NPSR1: variants seen among roughly 807,000 people sequenced by gnomAD.
The protein encoded by NPSR1 is neuropeptide S receptor 1, also known as neuropeptide S receptor.
A neutral mutation model predicts 46.9 loss-of-function variants in NPSR1; 48 were observed. The observed-to-expected ratio is 1.02, with a 90% confidence interval of 0.81 to 1.30. The LOEUF is 1.30. Among genes scored for constraint, NPSR1 ranks in the 50% most tolerant of loss-of-function variants. The pLI is 0.00. For missense variants in NPSR1, 450 were observed against 449.5 expected, an observed-to-expected ratio of 1.00 and a Z score of -0.01; for synonymous variants, 176 against 168.1, an observed-to-expected ratio of 1.05 and a Z score of -0.36.
Position 34,711,194 on chromosome 7 carries a change from T to C in NPSR1, c.280+26510T>C, listed in dbSNP as rs1039754017. On this transcript the variant is annotated intron_variant, in intron 2 of 8. Coordinates refer to ENST00000360581, the MANE Select transcript of NPSR1 (RefSeq NM_207172.2). The stretch of plus-strand genomic sequence containing the variant: ...TGCACGAGGGTACCCAAACCTGAAG[T>C]CATTAAATGAACTAATCTACAAGCA... The C allele has an allele frequency of 2.2e-5, 4 of 181,098 alleles. No individual in the cohort carries two copies. The East Asian group carries it at 6.8e-4, about 31-fold the overall frequency. The allele number at this position is 181,098 out of a possible 1,614,324, so 11.2% of individuals were successfully genotyped here.
chr7:34,736,453 T>C (rs766500013), intron 2 of NPSR1, among the ~76,000 whole-genome samples: 2 of 152,150 alleles, frequency 1.3e-5, no homozygotes, highest in African/African-American at 2.4e-5. Flanking sequence ...CCTCTTTTCA[T>C]GATATTACTG....
At chr7:34,670,503 C>A (rs1349879240) in intron 1 of NPSR1, among the ~76,000 whole-genome samples, 1 of 151,398 alleles carries the variant, frequency 6.6e-6, no homozygotes, top group Non-Finnish European at 1.5e-5. Flanking sequence ...AATTTCAGGA[C>A]TAGCAAGCAT....
chr7:34,867,795 C>T (rs13307597), intron 8 of NPSR1, among the ~76,000 whole-genome samples: 1 of 151,808 alleles, frequency 6.6e-6, no homozygotes, highest in East Asian at 1.9e-4. Context: ...GCACTCCCAG[C>T]CTTTCAGGAT....
intron 3 of NPSR1, among the ~76,000 whole-genome samples, chr7:34,794,512 T>A (rs1030948133): frequency 6.6e-6 from 1 of 152,154 alleles, no homozygotes; most frequent in Non-Finnish European, 1.5e-5. Flanking sequence ...GCAATCTAAA[T>A]ACTGTTAATT....
intron 6 of NPSR1, among the ~76,000 whole-genome samples, chr7:34,841,139 T>C (rs1490681988): frequency 6.6e-6 from 1 of 152,256 alleles, no homozygotes; most frequent in African/African-American, 2.4e-5. Context: ...AGCATATTTA[T>C]TTTAAAATAT....
intron 6 of NPSR1, among the ~76,000 whole-genome samples, chr7:34,836,819 AGATCTGAATATCCTACAAT>A (rs1790393989): frequency 6.6e-6 from 1 of 152,184 alleles, no homozygotes; most frequent in African/African-American, 2.4e-5. Flanking sequence ...AAAACTGAAA[AGATCTGAATATCCTACAAT>A]GAGGGAACTG....
intron 3 of NPSR1, among the ~76,000 whole-genome samples, chr7:34,807,767 T>G (rs577649976): frequency 1.3e-5 from 2 of 152,298 alleles, no homozygotes; most frequent in East Asian, 3.9e-4. Flanking sequence ...TTGGTGTAAT[T>G]TCAGTTCCTT....
intron 2 of NPSR1, among the ~76,000 whole-genome samples, chr7:34,763,115 C>T (rs10486657): frequency 0.14 from 21,834 of 152,064 alleles, 2,060 homozygotes; most frequent in East Asian, 0.33. Context: ...TTGCCAGGCA[C>T]TATGAAAAAA....
chr7:34,719,559 A>T (rs2128706725), intron 2 of NPSR1: 1 of 152,358 alleles, frequency 6.6e-6, no homozygotes, highest in Admixed American at 6.5e-5. Flanking sequence ...CTGCTAAGAC[A>T]TTTCAGAAAC....
intron 2 of NPSR1, among the ~76,000 whole-genome samples, chr7:34,744,010 G>C (rs1785084298): frequency 6.6e-6 from 1 of 152,258 alleles, no homozygotes; most frequent in South Asian, 2.1e-4. Context: ...TTTGTTTGCT[G>C]TGTAGTTAAA....
At chr7:34,856,055 G>A (rs1469490009) in intron 8 of NPSR1, among the ~76,000 whole-genome samples, 1 of 152,066 alleles carries the variant, frequency 6.6e-6, no homozygotes, top group South Asian at 2.1e-4. Flanking sequence ...TATACTTAAT[G>A]GTGAAGCTTT....
At chr7:34,738,045 T>G (rs2128717416) in intron 2 of NPSR1, among the ~76,000 whole-genome samples, 1 of 152,274 alleles carries the variant, frequency 6.6e-6, no homozygotes, top group East Asian at 1.9e-4. Context: ...TTAACAAGTG[T>G]TTTTGAACGA....
At chr7:34,822,709 T>A (rs1330922116) in intron 4 of NPSR1, among the ~76,000 whole-genome samples, 2 of 152,176 alleles carry the variant, frequency 1.3e-5, no homozygotes, top group Non-Finnish European at 2.9e-5. Flanking sequence ...TGGCCTTTTT[T>A]CAGAATATTA....
intron 1 of NPSR1, among the ~76,000 whole-genome samples, chr7:34,671,659 A>C (rs1341315820): frequency 3.9e-5 from 6 of 152,182 alleles, no homozygotes; most frequent in Non-Finnish European, 7.3e-5. Context: ...ACTTAGATGC[A>C]CAGAAAACAA....
chr7:34,698,380 C>A (rs935414035), intron 2 of NPSR1, among the ~76,000 whole-genome samples: 8 of 152,078 alleles, frequency 5.3e-5, no homozygotes, highest in Non-Finnish European at 1.2e-4. Flanking sequence ...GGGTTGCAAT[C>A]TCAAATGGCT....
At chr7:34,752,468 A>C (rs1785589061) in intron 2 of NPSR1, among the ~76,000 whole-genome samples, 1 of 152,168 alleles carries the variant, frequency 6.6e-6, no homozygotes, top group Non-Finnish European at 1.5e-5. Context: ...GTCATGCCTT[A>C]AGTCCCAGGA....
intron 2 of NPSR1, among the ~76,000 whole-genome samples, chr7:34,720,432 G>A (rs1054117563): frequency 3.9e-5 from 6 of 152,132 alleles, no homozygotes; most frequent in Non-Finnish European, 8.8e-5. Context: ...TCCACTTTCT[G>A]GAAGAGAAAA....
At chr7:34,760,623 A>G (rs1433933476) in intron 2 of NPSR1, among the ~76,000 whole-genome samples, 1 of 152,222 alleles carries the variant, frequency 6.6e-6, no homozygotes, top group Non-Finnish European at 1.5e-5. Flanking sequence ...CTGCAGAGGA[A>G]AAAAGTCAAA....
In NPSR1 at chr7:34,658,410, G is replaced by C. The variant is rs767320942; in HGVS notation, c.-3G>C. 3 of 1,613,618 alleles carry C rather than the reference G, an allele frequency of 1.9e-6. No homozygotes were observed. Among genetic ancestry groups the C allele is most frequent in the Non-Finnish European group, 2.5e-6 (3 of 1,179,968 alleles). The stretch of plus-strand genomic sequence containing the variant: ...GACAGTGAGGCTCAACCCCGCCTGA[G>C]CCATGCCAGCCAACTTCACAGAGGG... On this transcript the variant is annotated 5_prime_UTR_variant, in exon 1 of 9. Coordinates refer to ENST00000360581, the MANE Select transcript of NPSR1 (RefSeq NM_207172.2).
Sources: allele counts gnomAD v4.1 joint callset (sites outside exome capture counted in the v4.1 genomes callset), GRCh38; gene constraint gnomAD v4.1.1; transcripts MANE v1.5; gene names NCBI Gene and HGNC (gene_info 2026-07-23, HGNC 2026-07-21).